Variants in ROR1 observed in about 807,000 individuals in gnomAD.
The protein encoded by ROR1 is ROR family WNT receptor 1, also known as inactive tyrosine-protein kinase transmembrane receptor ROR1.
In ROR1, 19 loss-of-function variants were observed where a neutral mutation model predicts 78.8. The observed-to-expected ratio is 0.24, with a 90% CI of 0.17 to 0.35. ROR1 has a LOEUF of 0.35. ROR1 is among the 10% of genes least tolerant of loss of function. The probability of loss-of-function intolerance (pLI) is 1.00; values close to 1 mark genes in which losing one functional copy is unlikely to be tolerated. For missense variants in ROR1, 917 were observed against 1,177.8 expected (o/e 0.78, Z 3.24); for synonymous variants, 386 against 433.6 (o/e 0.89, Z 1.36).
At chr1:63,785,488 AT>A (rs1206453116) in intron 1 of ROR1, among the ~76,000 whole-genome samples, 1 of 146,656 alleles carries the variant, frequency 6.8e-6, no homozygotes, top group East Asian at 1.9e-4. Flanking sequence ...GCAACTATAT[AT>A]ATATATATTT....
intron 1 of ROR1, among the ~76,000 whole-genome samples, chr1:63,977,927 C>T (rs1241950045): frequency 6.6e-6 from 1 of 152,084 alleles, no homozygotes; most frequent in African/African-American, 2.4e-5. Context: ...TATAAGAGCA[C>T]TTAAGTTCAA....
chr1:63,900,045 T>G (rs1462297889), intron 1 of ROR1, among the ~76,000 whole-genome samples: 1 of 152,170 alleles, frequency 6.6e-6, no homozygotes, highest in Non-Finnish European at 1.5e-5. Flanking sequence ...CTAGTGTTGC[T>G]GAATTAGCTT....
chr1:64,090,211 A>T (rs1455091137), intron 4 of ROR1, among the ~76,000 whole-genome samples: 1 of 152,208 alleles, frequency 6.6e-6, no homozygotes, highest in Non-Finnish European at 1.5e-5. Flanking sequence ...CAATGTCCAG[A>T]TCAATTGCAT....
intron 2 of ROR1, among the ~76,000 whole-genome samples, chr1:64,027,024 T>C (rs1277558516): frequency 6.6e-6 from 1 of 152,242 alleles, no homozygotes; most frequent in East Asian, 1.9e-4. Context: ...GTTACATAGA[T>C]GTGTCCTCAT....
chr1:63,867,701 C>T (rs1355504414), intron 1 of ROR1, among the ~76,000 whole-genome samples: 1 of 152,148 alleles, frequency 6.6e-6, no homozygotes. Context: ...AAAATATTCC[C>T]CATCTAATAA....
In ROR1 at chr1:64,181,065, A is replaced by G. The variant is rs1650534169; in HGVS notation, c.*2210A>G. ...TAGTATTTTTTTCACAAGCTGAAAAATATCTTTTCCTTTGTTGACAATGTT... is the reference window on the plus strand; with the variant it reads ...TAGTATTTTTTTCACAAGCTGAAAAGTATCTTTTCCTTTGTTGACAATGTT... On this transcript the variant is annotated 3_prime_UTR_variant, in exon 9 of 9. Coordinates refer to ENST00000371079, the MANE Select transcript of ROR1 (RefSeq NM_005012.4). 1 of 152,214 alleles carries G rather than the reference A, an allele frequency of 6.6e-6. No individual in the cohort carries two copies. The highest frequency in any genetic ancestry group is 1.9e-4 in the East Asian group (1 of 5,182). 9.4% of individuals were successfully genotyped at this position (152,214 alleles called of 1,614,324 possible).
At chr1:63,935,688 C>G (rs1645788614) in intron 1 of ROR1, among the ~76,000 whole-genome samples, 1 of 152,188 alleles carries the variant, frequency 6.6e-6, no homozygotes, top group Admixed American at 6.5e-5. Context: ...TCCTGCTACC[C>G]TGTCTTGTCA....
chr1:63,821,032 G>A (rs566433724), intron 1 of ROR1, among the ~76,000 whole-genome samples: 1 of 152,262 alleles, frequency 6.6e-6, no homozygotes, highest in Admixed American at 6.5e-5. Flanking sequence ...CTGGGAGCAA[G>A]GAAAAGGGAA....
In ROR1 at chr1:63,793,369, A is replaced by G. The variant is rs544951652; in HGVS notation, c.91+18861A>G. 9.2e-4 allele frequency among the ~76,000 whole-genome samples: 140 copies of G among 152,340 alleles called. 1 individual carries two copies. The Middle Eastern group carries it at 0.024, about 26-fold the overall frequency. On this transcript the variant is annotated intron_variant, in intron 1 of 8. Coordinates refer to ENST00000371079, the MANE Select transcript of ROR1 (RefSeq NM_005012.4). ...GACAGTTAATAATAATCTATTATAT[A>G]TTTCAAAATAGCTAGAAGAGAATAA...
rs1371948012 is a variant in ROR1 at position 64,137,492 on chromosome 1, C to G, written c.606C>G (p.Ile202Met). ...TGCAAGGGGAAATAGAAAATCAGAT[C>G]ACAGGTAGGTAGCACCAATGAAATT... ...LHMQGEIENQ[I>M]TAAFTMIGTS... Residue 202 changes from isoleucine (I) to methionine (M), a missense_variant, in exon 5 of 9, where the codon ATC becomes ATG. Ile to Met is a conservative substitution (Grantham distance 10, BLOSUM62 1). Transcript: ENST00000371079. The G allele has an allele frequency of 6.2e-7, 1 of 1,612,844 alleles. No homozygotes were observed. The highest frequency in any genetic ancestry group is 1.1e-5 in the South Asian group (1 of 90,822).
chr1:64,147,602 A>G (rs1649509890), intron 7 of ROR1, among the ~76,000 whole-genome samples: 1 of 152,024 alleles, frequency 6.6e-6, no homozygotes, highest in Non-Finnish European at 1.5e-5. Flanking sequence ...TAACAAACTG[A>G]TCATCATGGA....
chr1:64,166,505 ATTTG>A (rs772521309), intron 8 of ROR1, among the ~76,000 whole-genome samples: 28 of 152,046 alleles, frequency 1.8e-4, no homozygotes, highest in South Asian at 4.2e-4. Context: ...ATGTTTTTTC[ATTTG>A]TTTGTGTCAT....
At chr1:63,952,757 G>A (rs1645950958) in intron 1 of ROR1, among the ~76,000 whole-genome samples, 1 of 152,134 alleles carries the variant, frequency 6.6e-6, no homozygotes, top group African/African-American at 2.4e-5. Context: ...TTCTGTCTAG[G>A]AGCAATTTAA....
intron 1 of ROR1, among the ~76,000 whole-genome samples, chr1:63,933,639 T>G (rs1410358695): frequency 6.6e-6 from 1 of 152,212 alleles, no homozygotes; most frequent in East Asian, 1.9e-4. Flanking sequence ...TTTATCTAAT[T>G]GCAACAATTC....
intron 1 of ROR1, among the ~76,000 whole-genome samples, chr1:63,850,880 G>A (rs764636593): frequency 1.8e-4 from 28 of 152,198 alleles, no homozygotes; most frequent in Non-Finnish European, 4.0e-4. Flanking sequence ...CCAATTTACA[G>A]TAGGTTCATT....
chr1:63,862,675 A>G (rs1268925951), intron 1 of ROR1, among the ~76,000 whole-genome samples: 1 of 152,020 alleles, frequency 6.6e-6, no homozygotes, highest in Non-Finnish European at 1.5e-5. Context: ...CCCTTGATCT[A>G]CTGCTGAGCA....
chr1:63,786,341 C>T (rs1256163398), intron 1 of ROR1, among the ~76,000 whole-genome samples: 2 of 131,278 alleles, frequency 1.5e-5, no homozygotes, highest in African/African-American at 5.5e-5. Context: ...GGCACAATCT[C>T]TGCTCACTGC....
At chr1:63,855,673 G>A (rs778749878) in intron 1 of ROR1, among the ~76,000 whole-genome samples, 8 of 147,862 alleles carry the variant, frequency 5.4e-5, no homozygotes, top group Non-Finnish European at 7.4e-5. Context: ...TTTTTGAGAC[G>A]TAGTCTTGCT....
In ROR1 at chr1:63,943,835, A is replaced by G. The variant is rs1305748421; in HGVS notation, c.92-65470A>G. Reference sequence around the variant, plus strand: ...ATAGAAAAGTTATGATAATGCAAACAAAAAGAAAAGAGAGAAACCAATAAT... The same window carrying G: ...ATAGAAAAGTTATGATAATGCAAACGAAAAGAAAAGAGAGAAACCAATAAT... On this transcript the variant is annotated intron_variant, in intron 1 of 8. Transcript: ENST00000371079. Among the ~76,000 whole-genome samples, 10 of 152,390 alleles carry G rather than the reference A, an allele frequency of 6.6e-5. No homozygotes were observed. In the East Asian group the frequency reaches 1.7e-3, roughly 26 times the overall value.
Sources: gnomAD v4.1 joint callset for allele counts (sites outside exome capture counted in the v4.1 genomes callset) on GRCh38, gnomAD v4.1.1 for gene constraint, MANE v1.5 for transcripts, NCBI Gene and HGNC (gene_info 2026-07-23, HGNC 2026-07-21) for gene names.